Variants in PTPRM observed in about 807,000 individuals in gnomAD.
PTPRM encodes the protein protein tyrosine phosphatase receptor type M.
In PTPRM, 47 loss-of-function variants were observed where a neutral mutation model predicts 186.7. The observed-to-expected ratio is 0.25, with a 90% CI of 0.20 to 0.32. The LOEUF is 0.32. Ranked by LOEUF, PTPRM falls within the 10% of genes least tolerant of loss-of-function variation. The pLI is 1.00. For missense variants in PTPRM, 1,494 were observed against 1,865.0 expected (o/e 0.80, Z 3.66); for synonymous variants, 668 against 674.9 (o/e 0.99, Z 0.16).
intron 5 of PTPRM, among the ~76,000 whole-genome samples, chr18:7,948,414 A>G (rs2052701762): frequency 6.6e-6 from 1 of 152,170 alleles, no homozygotes. Context: ...ACGAGGTTTG[A>G]GGCTTTAAAC....
intron 13 of PTPRM, among the ~76,000 whole-genome samples, chr18:8,124,410 A>C (rs1332965190): frequency 6.6e-6 from 1 of 152,324 alleles, no homozygotes; most frequent in East Asian, 1.9e-4. Context: ...TCATACTGCA[A>C]GCCTGAGACT....
intron 7 of PTPRM, among the ~76,000 whole-genome samples, chr18:8,026,579 G>A (rs369683631): frequency 9.9e-5 from 15 of 152,162 alleles, no homozygotes; most frequent in Middle Eastern, 3.4e-3. Context: ...TGCTTAAGCC[G>A]GGCACAGTGG....
At chr18:7,597,085 C>T (rs75395577) in intron 1 of PTPRM, among the ~76,000 whole-genome samples, 9,823 of 152,186 alleles carry the variant, frequency 0.065, 427 homozygotes, top group East Asian at 0.17. Flanking sequence ...GAACTCCTGA[C>T]CTCAAGTGAT....
At chr18:8,243,924 G>A in intron 14 of PTPRM, 134 bp from the exon 15 acceptor site, 2 of 825,032 alleles carry the variant, frequency 2.4e-6, no homozygotes, top group Non-Finnish European at 3.6e-6. Flanking sequence ...CCACAAATAA[G>A]GCACTATACA....
chr18:8,343,963 C>CA (rs1359611426), intron 23 of PTPRM, among the ~76,000 whole-genome samples: 1 of 152,178 alleles, frequency 6.6e-6, no homozygotes, highest in African/African-American at 2.4e-5. Flanking sequence ...TCCTGTGTCT[C>CA]AGTTTCCAAA....
chr18:7,838,485 C>A (rs1448798337), intron 2 of PTPRM, among the ~76,000 whole-genome samples: 2 of 152,228 alleles, frequency 1.3e-5, no homozygotes, highest in African/African-American at 4.8e-5. Context: ...TAGAGAGACT[C>A]TTGTTCTCTT....
intron 1 of PTPRM, among the ~76,000 whole-genome samples, chr18:7,744,866 A>T (rs1441335504): frequency 6.6e-6 from 1 of 152,198 alleles, no homozygotes; most frequent in Non-Finnish European, 1.5e-5. Context: ...TTAAATTCTT[A>T]ACTCTAGTTG....
At chr18:8,034,928 A>T (rs1020020615) in intron 7 of PTPRM, among the ~76,000 whole-genome samples, 2 of 152,140 alleles carry the variant, frequency 1.3e-5, no homozygotes, top group Non-Finnish European at 2.9e-5. Flanking sequence ...TCATTAGACA[A>T]GAGAGGCCTC....
chr18:8,311,867 C>G (rs1331564390), intron 20 of PTPRM, among the ~76,000 whole-genome samples: 1 of 152,076 alleles, frequency 6.6e-6, no homozygotes, highest in Non-Finnish European at 1.5e-5. Context: ...AGAGAACCCT[C>G]CAGAATAGCC....
intron 2 of PTPRM, among the ~76,000 whole-genome samples, chr18:7,780,603 C>T (rs115411711): frequency 0.019 from 2,816 of 152,188 alleles, 83 homozygotes; most frequent in African/African-American, 0.064. Flanking sequence ...AATAGCTGTT[C>T]GTGGAACGAC....
chr18:8,125,785 G>A (rs966257351), intron 13 of PTPRM, among the ~76,000 whole-genome samples: 9 of 151,424 alleles, frequency 5.9e-5, no homozygotes, highest in South Asian at 2.1e-4. Context: ...CTTTTATCTC[G>A]CGATTCACTG....
At chr18:8,375,753 A>G (rs986959108) in intron 24 of PTPRM, among the ~76,000 whole-genome samples, 1 of 152,318 alleles carries the variant, frequency 6.6e-6, no homozygotes, top group Admixed American at 6.5e-5. Context: ...TCTACTTTTT[A>G]GAAAGGAATT....
chr18:7,771,149 C>T (rs1470164923), intron 1 of PTPRM, among the ~76,000 whole-genome samples: 1 of 152,104 alleles, frequency 6.6e-6, no homozygotes, highest in African/African-American at 2.4e-5. Context: ...GTTTTGTAAA[C>T]CGGGTCTGTA....
chr18:8,120,485 T>C (rs1449578562), intron 13 of PTPRM, among the ~76,000 whole-genome samples: 1 of 147,388 alleles, frequency 6.8e-6, no homozygotes, highest in Non-Finnish European at 1.5e-5. Flanking sequence ...TTTTTCTTTC[T>C]TTCTTTCTTT....
At chr18:7,633,310 A>G (rs996903238) in intron 1 of PTPRM, among the ~76,000 whole-genome samples, 2 of 152,158 alleles carry the variant, frequency 1.3e-5, no homozygotes, top group African/African-American at 4.8e-5. Context: ...TCTTTCATGT[A>G]TTCTGTGGTC....
At chr18:7,625,110 T>C (rs118053477) in intron 1 of PTPRM, among the ~76,000 whole-genome samples, 1,598 of 152,322 alleles carry the variant, frequency 0.01, 21 homozygotes, top group Middle Eastern at 0.027. Context: ...CGTATATATT[T>C]AGGGAGAGTA....
chr18:7,597,307 T>G (rs2037290913), intron 1 of PTPRM, among the ~76,000 whole-genome samples: 1 of 152,202 alleles, frequency 6.6e-6, no homozygotes, highest in South Asian at 2.1e-4. Context: ...GAAGTGGGGC[T>G]GGTGAGAGAA....
At chr18:8,272,147 G>A (rs1601578639) in intron 19 of PTPRM, among the ~76,000 whole-genome samples, 1 of 150,524 alleles carries the variant, frequency 6.6e-6, no homozygotes, top group Non-Finnish European at 1.5e-5. Flanking sequence ...GGAGGTTGCA[G>A]TGAGCCAAGA....
intron 1 of PTPRM, among the ~76,000 whole-genome samples, chr18:7,771,435 C>T (rs138142607): frequency 3.3e-5 from 5 of 152,290 alleles, no homozygotes; most frequent in Non-Finnish European, 7.4e-5. Context: ...GTACCCCAAA[C>T]TGGAAAGTTG....
Sources: gnomAD v4.1 joint callset for allele counts (sites outside exome capture counted in the v4.1 genomes callset) on GRCh38, gnomAD v4.1.1 for gene constraint, MANE v1.5 for transcripts, NCBI Gene and HGNC (gene_info 2026-07-23, HGNC 2026-07-21) for gene names.